Variants in MKI67 observed in about 807,000 individuals in gnomAD.
MKI67 encodes marker of proliferation Ki-67, also known as proliferation marker protein Ki-67.
Under a neutral mutation model 233.5 loss-of-function variants are expected in MKI67, and 152 were observed. That is an observed-to-expected ratio of 0.65 (90% CI 0.57 to 0.74). The LOEUF (loss-of-function observed/expected upper bound fraction) is 0.74, where lower values mean the gene tolerates loss of function less well. Among genes scored for constraint, MKI67 ranks in the 30% least tolerant of loss-of-function variants. MKI67 has a pLI of 0.00. For missense variants in MKI67, 3,940 were observed against 3,885.2 expected (o/e 1.01, Z -0.37); for synonymous variants, 1,465 against 1,418.5 (o/e 1.03, Z -0.74).
intron 14 of MKI67, among the ~76,000 whole-genome samples, chr10:128,100,168 C>T (rs1014079942): frequency 9.2e-5 from 14 of 152,170 alleles, no homozygotes; most frequent in African/African-American, 3.4e-4. Context: ...TTCCAGCCTG[C>T]CCCAGAAGTA....
Position 128,112,253 on chromosome 10 carries a change from C to T in MKI67, c.1849G>A (p.Gly617Arg), listed in dbSNP as rs778643158. Residue 617 changes from glycine to arginine, a missense_variant, in exon 9 of 15, where the codon GGA (glycine) becomes AGA (arginine). Gly to Arg is a moderately radical substitution (Grantham distance 125). Transcript: ENST00000368654. Reference protein sequence around the residue: ...SKSQTEVPKRGGRKSGNLPSK... With the variant: ...SKSQTEVPKRRGRKSGNLPSK... ...GGCAGGTTGCCACTCTTTCTCCCTC[C>T]TCTCTTAGGAACCTCTGTCTGAGAT... The T allele has an allele frequency of 6.2e-7, 1 of 1,614,238 alleles. No individual in the cohort carries two copies. The highest frequency in any genetic ancestry group is 1.1e-5 in the South Asian group (1 of 91,088).
intron 8 of MKI67, 129 bp downstream of exon 8, chr10:128,113,298 A>T: frequency 8.6e-7 from 1 of 1,157,174 alleles, no homozygotes; most frequent in Non-Finnish European, 1.2e-6. Context: ...CGTCTTTTTA[A>T]AAACTTGTTT....
In MKI67 at chr10:128,098,578, GGTCCCTAAAGAT is replaced by G. The variant is rs1852264139; in HGVS notation, c.*600_*611del. The G allele has an allele frequency of 6.6e-6, 1 of 152,096 alleles. No homozygotes were observed. Among genetic ancestry groups the G allele is most frequent in the Non-Finnish European group, 1.5e-5 (1 of 68,034 alleles). 9.4% of individuals were successfully genotyped at this position (152,096 alleles called of 1,614,324 possible). ...TCACTCCTTACAGAAAGTCACTCTTGGTCCCTAAAGATGTGCTCACGAGTCATTCTCCAAAGC... is the reference window on the plus strand; with the variant it reads ...TCACTCCTTACAGAAAGTCACTCTTGGTGCTCACGAGTCATTCTCCAAAGC... On this transcript the variant is annotated 3_prime_UTR_variant, in exon 15 of 15. Coordinates refer to ENST00000368654, the MANE Select transcript of MKI67 (RefSeq NM_002417.5).
chr10:128,107,334 G>T lies in MKI67; in HGVS notation c.4506C>A (p.Asp1502Glu). ...IACRSQPDPV[D>E]TPTSSKPQSK... ...ACTGTGGCTTGGAGCTTGTTGGTGT[G>T]TCCACTGGGTCTGGTTGTGATCTGC... The change falls in exon 13 of 15, where the codon GAC (aspartate) becomes GAA (glutamate). Residue 1502 changes from aspartate to glutamate, a missense_variant. Transcript: ENST00000368654. 6.2e-7 allele frequency: 1 copy of T among 1,613,932 alleles called. No individual in the cohort carries two copies. The highest frequency in any genetic ancestry group is 8.5e-7 in the Non-Finnish European group (1 of 1,179,992).
intron 10 of MKI67, 35 bp downstream of exon 10, chr10:128,111,892 G>T: frequency 6.2e-7 from 1 of 1,605,444 alleles, no homozygotes; most frequent in Non-Finnish European, 8.5e-7. Flanking sequence ...GATGACACCG[G>T]TATGTGTAAA....
In MKI67 at chr10:128,106,943, G is replaced by A. The variant is rs747424093; in HGVS notation, c.4897C>T (p.Leu1633Phe). ...CCCACTTTCCCCAGGGATGTCTTGA[G>A]CCGTCGCTTGGAGCTTGCTGGGTTT... ...DKNPASSKRR[L>F]KTSLGKVGVK... is the part of the protein sequence containing the mutation. The change falls in exon 13 of 15, where the codon CTC (leucine) becomes TTC (phenylalanine). Residue 1633 changes from leucine (L) to phenylalanine (F), a missense_variant. Coordinates refer to ENST00000368654, the MANE Select transcript of MKI67 (RefSeq NM_002417.5). The A allele has an allele frequency of 2.5e-6, 4 of 1,614,052 alleles. No individual in the cohort carries two copies. The highest frequency in any genetic ancestry group is 1.7e-5 in the Admixed American group (1 of 60,004).
Position 128,102,657 on chromosome 10 carries a change from A to G in MKI67, c.9183T>C (p.Pro3061=). 6.2e-7 allele frequency: 1 copy of G among 1,614,100 alleles called. No homozygotes were observed. The highest frequency in any genetic ancestry group is 8.5e-7 in the Non-Finnish European group (1 of 1,180,022). ...SLRTSAKRIE[P]AEELNSNDMK... is the part of the protein sequence containing the mutation. ...TGTCGTTGCTGTTCAGCTCTTCCGC[A>G]GGTTCAATTCTTTTTGCAGAAGTCC... Residue 3061 remains proline (P), a synonymous_variant, in exon 13 of 15, where the codon CCT becomes CCC. Transcript: ENST00000368654.
At chr10:128,110,869 C>T (rs1852660097) in intron 11 of MKI67, among the ~76,000 whole-genome samples, 1 of 152,226 alleles carries the variant, frequency 6.6e-6, no homozygotes, top group Non-Finnish European at 1.5e-5. Context: ...CCATAGGCCT[C>T]CCTGCTAGGA....
chr10:128,103,323 C>A lies in MKI67; in HGVS notation c.8517G>T (p.Lys2839Asn), dbSNP rs1357670874. The A allele has an allele frequency of 6.2e-7, 1 of 1,614,156 alleles. No individual in the cohort carries two copies. The highest frequency in any genetic ancestry group is 1.1e-5 in the South Asian group (1 of 91,084). ...PELEDTATSS[K>N]RRPRTRAQKV... Reference sequence around the variant, plus strand: ...TCTGGGCACGTGTCCTGGGCCGTCTCTTTGAGCTTGTTGCGGTGTCTTCTA... The same window carrying A: ...TCTGGGCACGTGTCCTGGGCCGTCTATTTGAGCTTGTTGCGGTGTCTTCTA... The change falls in exon 13 of 15, where the codon AAG (lysine) becomes AAT (asparagine). Residue 2839 changes from lysine to asparagine, a missense_variant. Physicochemically the swap from Lys to Asn is moderately conservative, Grantham distance 94 (BLOSUM62 0). Coordinates refer to ENST00000368654, the MANE Select transcript of MKI67 (RefSeq NM_002417.5).
intron 8 of MKI67, 46 bp downstream of exon 8, chr10:128,113,381 T>C: frequency 6.3e-7 from 1 of 1,587,410 alleles, no homozygotes. Flanking sequence ...AGGTACCCGG[T>C]GTGTGAGCCA....
chr10:128,101,391 TCTC>T lies in MKI67; in HGVS notation c.9569_9571del (p.Gly3190del). The T allele has an allele frequency of 6.2e-7, 1 of 1,614,194 alleles. No homozygotes were observed. The highest frequency in any genetic ancestry group is 8.5e-7 in the Non-Finnish European group (1 of 1,180,014). ...GCACATGGAGTCTGAATTTCCTGCT[TCTC>T]CTTTCCCTTTCTGATTCTGCATGAG... On this transcript the variant is annotated inframe_deletion, in exon 14 of 15. Transcript: ENST00000368654.
At chr10:128,114,215 C>T (rs953823067) in intron 7 of MKI67, among the ~76,000 whole-genome samples, 7 of 152,198 alleles carry the variant, frequency 4.6e-5, no homozygotes, top group African/African-American at 1.4e-4. Context: ...ACGAATACTG[C>T]GTCTGTGGCC....
At chr10:128,121,450 A>G (rs953258623) in intron 4 of MKI67, among the ~76,000 whole-genome samples, 3 of 140,168 alleles carry the variant, frequency 2.1e-5, no homozygotes, top group African/African-American at 7.8e-5. Context: ...TGTATACAGT[A>G]TATACTATAT....
chr10:128,107,705 C>A lies in MKI67; in HGVS notation c.4135G>T (p.Glu1379Ter). 5.0e-6 allele frequency: 8 copies of A among 1,613,854 alleles called. No individual in the cohort carries two copies. The highest frequency in any genetic ancestry group is 6.8e-6 in the Non-Finnish European group (8 of 1,180,006). The change falls in exon 13 of 15, where the codon GAA becomes TAA. Residue 1379 changes from glutamate (E) to a stop codon, truncating the protein, a stop_gained. Transcript: ENST00000368654. LOFTEE classifies it high-confidence loss of function. ...GTGCTTGTTGGGGTGTCTGCTGATT[C>A]TGGTGGAGAAGATTCGCAGGGCATT... ...TKMPCESSPPESADTPTSTRR... is the reference protein window; with the variant it reads ...TKMPCESSPP
At chr10:128,102,480 G>C (rs1490286266) in intron 13 of MKI67, 99 bp downstream of exon 13, 46 of 1,436,628 alleles carry the variant, frequency 3.2e-5, no homozygotes, top group Non-Finnish European at 4.7e-6. Context: ...TCTGGGGAAA[G>C]GATAACCACT....
Position 128,113,597 on chromosome 10 carries a change from T to A in MKI67, c.1486A>T (p.Ser496Cys), listed in dbSNP as rs1418164523. Residue 496 changes from serine to cysteine, a missense_variant, in exon 8 of 15, where the codon AGT (serine) becomes TGT (cysteine). Coordinates refer to ENST00000368654, the MANE Select transcript of MKI67 (RefSeq NM_002417.5). ...CTTCTTTTCAAAGGTATTCCCTCAC[T>A]CTCATCTAAAGTAACGGATACAAAT... ...INNFGDSINE[S>C]EGIPLKRRRV... 6.2e-7 allele frequency: 1 copy of A among 1,613,552 alleles called. No homozygotes were observed. Among genetic ancestry groups the A allele is most frequent in the Non-Finnish European group, 8.5e-7 (1 of 1,179,692 alleles).
intron 12 of MKI67, among the ~76,000 whole-genome samples, chr10:128,109,995 AT>A (rs1223475252): frequency 6.6e-6 from 1 of 152,216 alleles, no homozygotes; most frequent in Non-Finnish European, 1.5e-5. Context: ...AGCAGGAATA[AT>A]TGCACAGTAT....
rs562972934 is a variant in MKI67 at position 128,098,981 on chromosome 10, C to T, written c.*209G>A. ...GGCCCAGACTCCTTCACAAAGCCCC[C>T]GGTGTTCAACTATTCTCAGTCCAGG... is the stretch of plus-strand genomic sequence containing the variant. On this transcript the variant is annotated 3_prime_UTR_variant, in exon 15 of 15. Coordinates refer to ENST00000368654, the MANE Select transcript of MKI67 (RefSeq NM_002417.5). 3.0e-4 allele frequency: 126 copies of T among 422,782 alleles called. No homozygotes were observed. Among genetic ancestry groups the T allele is most frequent in the African/African-American group, 2.0e-3 (95 of 48,694 alleles). The allele number at this position is 422,782 out of a possible 1,614,324, so 26.2% of individuals were successfully genotyped here. A position where few individuals can be genotyped will look rare whatever the true frequency, so the allele number is the denominator to read the frequency against.
At position 128,101,554 on chromosome 10, in the gene MKI67, C is replaced by A; in HGVS notation, c.9409G>T (p.Asp3137Tyr). The change falls in exon 14 of 15, where the codon GAT (aspartate) becomes TAT (tyrosine). Residue 3137 changes from aspartate to tyrosine, a missense_variant. Transcript: ENST00000368654. ...GGTATGGGTTTCCGGGCTCCATCAT[C>A]TGGATTCTGAATGTCCATCTCTGGG... is the stretch of plus-strand genomic sequence containing the variant. ...TSPEMDIQNP[D>Y]DGARKPIPRD... 1 of 1,614,228 alleles carries A rather than the reference C, an allele frequency of 6.2e-7. No individual in the cohort carries two copies. Among genetic ancestry groups the A allele is most frequent in the South Asian group, 1.1e-5 (1 of 91,082 alleles).
Sources: gnomAD v4.1 joint callset for allele counts (sites outside exome capture counted in the v4.1 genomes callset) on GRCh38, gnomAD v4.1.1 for gene constraint, MANE v1.5 for transcripts, NCBI Gene and HGNC (gene_info 2026-07-23, HGNC 2026-07-21) for gene names.